The following SNX32 variants were observed in gnomAD, a reference collection of about 807,000 sequenced individuals.
SNX32 encodes the protein sorting nexin-32.
A neutral mutation model predicts 57.0 loss-of-function variants in SNX32; 58 were observed. The ratio of observed to expected loss-of-function variants is 1.02; its 90% CI spans 0.82 to 1.27. The LOEUF (loss-of-function observed/expected upper bound fraction) is 1.27, where lower values mean the gene tolerates loss of function less well. SNX32 is among the 50% of genes most tolerant of loss of function. The probability of loss-of-function intolerance (pLI) is 0.00; values close to 1 mark genes in which losing one functional copy is unlikely to be tolerated. For synonymous variants in SNX32, 262 were observed against 220.4 expected, an observed-to-expected ratio of 1.19 and a Z score of -1.67; for missense variants, 589 against 541.2, an observed-to-expected ratio of 1.09 and a Z score of -0.88.
intron 1 of SNX32, chr11:65,835,807 G>A (rs1356234796): frequency 6.6e-6 from 1 of 152,376 alleles, no homozygotes; most frequent in Non-Finnish European, 1.5e-5. Flanking sequence ...TGTCAGAGAA[G>A]CCAAGAAATG....
chr11:65,850,721 C>T (rs748927080), intron 5 of SNX32, 30 bp from the exon 6 acceptor site: 5 of 1,606,318 alleles, frequency 3.1e-6, no homozygotes, highest in Non-Finnish European at 4.3e-6. Flanking sequence ...AACGCCCACC[C>T]CAGCATCATA....
chr11:65,844,105 T>A (rs1352951928), intron 1 of SNX32, among the ~76,000 whole-genome samples: 2 of 152,154 alleles, frequency 1.3e-5, no homozygotes, highest in Non-Finnish European at 2.9e-5. Flanking sequence ...GATCTATATA[T>A]TCGATGCAAT....
intron 1 of SNX32, among the ~76,000 whole-genome samples, chr11:65,842,884 AG>A (rs1488714019): frequency 7.5e-6 from 1 of 133,272 alleles, no homozygotes; most frequent in Non-Finnish European, 1.6e-5. Context: ...TGGGAGGCGG[AG>A]GTTGCAATGA....
Position 65,850,214 on chromosome 11 carries a change from A to G in SNX32, c.317A>G (p.Glu106Gly). ...AGGGAAAAGCTACAGAAATTGGGCG[A>G]GGGGGACAGCTCTGTCACTCGGGAA... is the stretch of plus-strand genomic sequence containing the variant. The part of the protein sequence containing the change: ...ASREKLQKLG[E>G]GDSSVTREEF... The change falls in exon 4 of 13, where the codon GAG becomes GGG. Residue 106 changes from glutamate to glycine, a missense_variant. Coordinates refer to ENST00000308342, the MANE Select transcript of SNX32 (RefSeq NM_152760.3). 1 of 1,614,212 alleles carries G rather than the reference A, an allele frequency of 6.2e-7. No homozygotes were observed. Among genetic ancestry groups the G allele is most frequent in the Non-Finnish European group, 8.5e-7 (1 of 1,180,042 alleles).
Position 65,852,719 on chromosome 11 carries a change from G to C in SNX32, c.1002G>C (p.Val334=). The C allele has an allele frequency of 6.2e-7, 1 of 1,600,708 alleles. No individual in the cohort carries two copies. The highest frequency in any genetic ancestry group is 8.5e-7 in the Non-Finnish European group (1 of 1,177,102). Residue 334 remains valine, a synonymous_variant, in exon 11 of 13, where the codon GTG becomes GTC. Coordinates refer to ENST00000308342, the MANE Select transcript of SNX32 (RefSeq NM_152760.3). ...AGGCGCGCACCAGGAACCGGGAGGT[G>C]CGGCCCGCCGAGAGCCACCAGCAGC... The part of the protein sequence containing the change: ...LDKARTRNRE[V]RPAESHQQLC...
chr11:65,838,636 C>G (rs1399630441), intron 1 of SNX32, among the ~76,000 whole-genome samples: 1 of 152,126 alleles, frequency 6.6e-6, no homozygotes, highest in African/African-American at 2.4e-5. Context: ...ATCTAATTGA[C>G]TTATGTAGAG....
chr11:65,844,135 T>G (rs76705201), intron 1 of SNX32, among the ~76,000 whole-genome samples: 1 of 152,128 alleles, frequency 6.6e-6, no homozygotes, highest in Non-Finnish European at 1.5e-5. Flanking sequence ...AATCCCAGTA[T>G]GTTTTTCAGG....
rs200114641 is a variant in SNX32 at position 65,849,882 on chromosome 11, G to A, written c.142-38G>A. ...CCAGACTTGCTGAGGCAGGGCTTGG[G>A]GCAGAGAGAGGACCTCAGTTGGCCT... On this transcript the variant is annotated intron_variant, in intron 2 of 12. Transcript: ENST00000308342. The A allele has an allele frequency of 2.5e-5, 37 of 1,508,178 alleles. No homozygotes were observed. The Admixed American group carries it at 6.6e-4, about 27-fold the overall frequency. 93.4% of individuals were successfully genotyped at this position (1,508,178 alleles called of 1,614,324 possible). A position where few individuals can be genotyped will look rare whatever the true frequency, so the allele number is the denominator to read the frequency against.
intron 12 of SNX32, 148 bp downstream of exon 12, chr11:65,853,106 G>A: frequency 7.9e-7 from 1 of 1,270,794 alleles, no homozygotes; most frequent in South Asian, 1.3e-5. Context: ...GCTAAGGCTT[G>A]GGGCCATGCT....
chr11:65,840,936 T>TTTTC (rs1039376618), intron 1 of SNX32, among the ~76,000 whole-genome samples: 10 of 152,162 alleles, frequency 6.6e-5, no homozygotes, highest in Non-Finnish European at 1.5e-4. Flanking sequence ...TATGGTTTTT[T>TTTTC]TTTCTTTCTT....
At chr11:65,845,314 T>C (rs954997595) in intron 1 of SNX32, among the ~76,000 whole-genome samples, 1 of 151,398 alleles carries the variant, frequency 6.6e-6, no homozygotes, top group African/African-American at 2.4e-5. Context: ...GGTGTATGAC[T>C]GTAATCCCAG....
At chr11:65,848,407 T>C (rs975545832) in intron 1 of SNX32, among the ~76,000 whole-genome samples, 7 of 114,942 alleles carry the variant, frequency 6.1e-5, no homozygotes, top group African/African-American at 2.3e-4. Flanking sequence ...ACTCTGTCTC[T>C]AAAAAAAAAA....
chr11:65,839,264 C>G (rs1447877549), intron 1 of SNX32, among the ~76,000 whole-genome samples: 2 of 27,436 alleles, frequency 7.3e-5, no homozygotes, highest in Non-Finnish European at 1.6e-4. Context: ...GAGTCTCGCT[C>G]TGTCGCCCAG....
intron 12 of SNX32, 78 bp from the exon 13 acceptor site, chr11:65,853,204 G>A: frequency 6.3e-7 from 1 of 1,592,030 alleles, no homozygotes; most frequent in Admixed American, 1.7e-5. Context: ...GGGGAGCGAG[G>A]GAGCATCTAA....
At chr11:65,835,395 A>G (rs10896062) in intron 1 of SNX32, 151,399 of 151,418 alleles carry the variant, frequency 1, 75,690 homozygotes, top group Middle Eastern at 1. Context: ...AGAGGCTGGC[A>G]TCCTCTTCTC....
chr11:65,850,108 C>G, intron 3 of SNX32, 42 bp from the exon 4 acceptor site: 1 of 1,614,174 alleles, frequency 6.2e-7, no homozygotes, highest in Non-Finnish European at 8.5e-7. Context: ...ATGGCCGTCT[C>G]GGCAGTGAGA....
chr11:65,848,203 T>C (rs1041777890), intron 1 of SNX32, among the ~76,000 whole-genome samples: 3 of 152,158 alleles, frequency 2.0e-5, no homozygotes. Flanking sequence ...AGGTGCCTGT[T>C]GTATACTGGT....
intron 5 of SNX32, 32 bp from the exon 6 acceptor site, chr11:65,850,719 C>T: frequency 1.2e-6 from 2 of 1,605,992 alleles, no homozygotes; most frequent in Non-Finnish European, 1.7e-6. Context: ...AGAACGCCCA[C>T]CCCAGCATCA....
At chr11:65,853,069 G>A (rs951193592) in intron 12 of SNX32, 111 bp downstream of exon 12, 70 of 1,299,162 alleles carry the variant, frequency 5.4e-5, no homozygotes, top group Middle Eastern at 1.9e-4. Context: ...GCATGTATGC[G>A]CGTGTGTGTG....
Sources: allele counts gnomAD v4.1 joint callset (sites outside exome capture counted in the v4.1 genomes callset), GRCh38; gene constraint gnomAD v4.1.1; transcripts MANE v1.5; gene names NCBI Gene and HGNC (gene_info 2026-07-23, HGNC 2026-07-21).